Variants in MACROD2 observed in about 807,000 individuals in gnomAD.
MACROD2 encodes mono-ADP ribosylhydrolase 2.
A neutral mutation model predicts 70.4 loss-of-function variants in MACROD2; 36 were observed. That is an observed-to-expected ratio of 0.51 (90% CI 0.39 to 0.68). MACROD2 has a LOEUF of 0.68. Ranked by LOEUF, MACROD2 falls within the 30% of genes least tolerant of loss-of-function variation. The probability of loss-of-function intolerance (pLI) is 0.00; values close to 1 mark genes in which losing one functional copy is unlikely to be tolerated. For synonymous variants in MACROD2, 172 were observed against 178.8 expected, an observed-to-expected ratio of 0.96 and a Z score of 0.30; for missense variants, 496 against 538.4, an observed-to-expected ratio of 0.92 and a Z score of 0.78.
At chr20:14,515,465 G>GCGCACGCACACA (rs1369248292) in intron 4 of MACROD2, among the ~76,000 whole-genome samples, 24 of 127,062 alleles carry the variant, frequency 1.9e-4, no homozygotes, top group African/African-American at 6.6e-4. Context: ...ACACACACAC[G>GCGCACGCACACA]CACACACACA....
chr20:14,498,633 G>A (rs745968197), intron 4 of MACROD2, among the ~76,000 whole-genome samples: 10 of 152,132 alleles, frequency 6.6e-5, no homozygotes, highest in Non-Finnish European at 1.3e-4. Flanking sequence ...AATGGGCATT[G>A]GATGTCTTCT....
intron 3 of MACROD2, among the ~76,000 whole-genome samples, chr20:14,261,459 A>G (rs1474315896): frequency 6.6e-6 from 1 of 152,120 alleles, no homozygotes; most frequent in Non-Finnish European, 1.5e-5. Context: ...CTTTTGTTTT[A>G]ACAGTTATAG....
intron 6 of MACROD2, among the ~76,000 whole-genome samples, chr20:15,231,218 T>G (rs903202736): frequency 6.6e-6 from 1 of 152,078 alleles, no homozygotes; most frequent in Non-Finnish European, 1.5e-5. Flanking sequence ...CTGGATATTT[T>G]ATTTCTCTCT....
rs755629120 is a variant in MACROD2, at chr20:14,858,585, A to G, written c.418+173626A>G. ...GAGATCAAATAAATTATCCTTTAAC[A>G]TCCAGACTATAAGATTTTGACTTCT... On this transcript the variant is annotated intron_variant, in intron 5 of 17. Coordinates refer to ENST00000684519, the MANE Select transcript of MACROD2 (RefSeq NM_001351661.2). 3.5e-4 allele frequency among the ~76,000 whole-genome samples: 53 copies of G among 152,244 alleles called. 1 individual carries two copies. The highest frequency in any genetic ancestry group is 5.7e-4 in the Non-Finnish European group (39 of 68,018).
At chr20:15,936,663 A>G (rs926384943) in intron 11 of MACROD2, among the ~76,000 whole-genome samples, 92 of 35,936 alleles carry the variant, frequency 2.6e-3, no homozygotes, top group African/African-American at 5.2e-3. Context: ...CATAATGTGT[A>G]TATGTGTGTA....
At chr20:14,892,971 G>A (rs66577403) in intron 5 of MACROD2, 26,535 of 152,016 alleles carry the variant, frequency 0.17, 2,498 homozygotes, top group Non-Finnish European at 0.2. Flanking sequence ...GAGCCACCAC[G>A]CCCAGCCCAT....
chr20:14,167,525 A>G (rs2055284707), intron 3 of MACROD2, among the ~76,000 whole-genome samples: 1 of 151,324 alleles, frequency 6.6e-6, no homozygotes, highest in Non-Finnish European at 1.5e-5. Context: ...CTGGAATTAC[A>G]GGCGCCCACC....
At chr20:15,083,304 A>G (rs1329482347) in intron 5 of MACROD2, among the ~76,000 whole-genome samples, 1 of 152,186 alleles carries the variant, frequency 6.6e-6, no homozygotes, top group African/African-American at 2.4e-5. Flanking sequence ...TGCAAGATGT[A>G]GGCCCAGCTT....
chr20:15,823,316 G>GTGTGTGTGTGTGTGTGTGTA (rs139668215), intron 8 of MACROD2, among the ~76,000 whole-genome samples: 1 of 148,030 alleles, frequency 6.8e-6, no homozygotes, highest in African/African-American at 2.5e-5. Flanking sequence ...GTGTGTGTGT[G>GTGTGTGTGTGTGTGTGTGTA]TGTGTCTATA....
chr20:14,975,943 G>A (rs753292582), intron 5 of MACROD2, among the ~76,000 whole-genome samples: 14 of 152,240 alleles, frequency 9.2e-5, no homozygotes, highest in Middle Eastern at 3.4e-3. Context: ...TACAGTTCCC[G>A]GCTTTCAACG....
chr20:15,229,801 T>C (rs1348218837), intron 5 of MACROD2, 139 bp from the exon 6 acceptor site: 10 of 790,876 alleles, frequency 1.3e-5, no homozygotes, highest in East Asian at 3.1e-5. Context: ...CAGAGAAATA[T>C]TTGCGTCGCC....
intron 4 of MACROD2, among the ~76,000 whole-genome samples, chr20:14,537,217 A>G (rs534161991): frequency 1.3e-5 from 2 of 152,330 alleles, no homozygotes; most frequent in Non-Finnish European, 2.9e-5. Flanking sequence ...GGATTCTTCC[A>G]AAAGCAAAAC....
chr20:14,429,632 A>G (rs957671220), intron 3 of MACROD2, among the ~76,000 whole-genome samples: 1 of 152,142 alleles, frequency 6.6e-6, no homozygotes, highest in Non-Finnish European at 1.5e-5. Flanking sequence ...GGTTCTTGGC[A>G]TGCAGATGTT....
intron 7 of MACROD2, among the ~76,000 whole-genome samples, chr20:15,454,527 C>T (rs958471333): frequency 3.3e-5 from 5 of 151,736 alleles, no homozygotes; most frequent in Non-Finnish European, 5.9e-5. Context: ...CTTGTTGAAT[C>T]GATATGCAGG....
At chr20:14,042,580 C>G (rs1384390510) in intron 2 of MACROD2, among the ~76,000 whole-genome samples, 1 of 152,132 alleles carries the variant, frequency 6.6e-6, no homozygotes, top group Non-Finnish European at 1.5e-5. Flanking sequence ...CTCACTGCAA[C>G]CTGCAACCTC....
chr20:14,273,056 C>T (rs1051701997), intron 3 of MACROD2, among the ~76,000 whole-genome samples: 9 of 151,914 alleles, frequency 5.9e-5, no homozygotes, highest in African/African-American at 2.2e-4. Flanking sequence ...GAGACTTTAA[C>T]ACCCCACTGT....
chr20:14,854,245 T>A (rs2073229739), intron 5 of MACROD2, among the ~76,000 whole-genome samples: 1 of 152,176 alleles, frequency 6.6e-6, no homozygotes, highest in African/African-American at 2.4e-5. Flanking sequence ...AAGAACAGCC[T>A]GTTCCATCGT....
At chr20:15,039,203 C>T (rs2075336380) in intron 5 of MACROD2, among the ~76,000 whole-genome samples, 1 of 151,898 alleles carries the variant, frequency 6.6e-6, no homozygotes. Flanking sequence ...TGTGATTGGA[C>T]AAAAAGGGTA....
intron 5 of MACROD2, among the ~76,000 whole-genome samples, chr20:15,008,617 G>T (rs2122925638): frequency 6.6e-6 from 1 of 152,228 alleles, no homozygotes; most frequent in Admixed American, 6.5e-5. Context: ...AATAATTTAA[G>T]TATGAAAGGC....
Sources: allele counts gnomAD v4.1 joint callset (sites outside exome capture counted in the v4.1 genomes callset), GRCh38; gene constraint gnomAD v4.1.1; transcripts MANE v1.5; gene names NCBI Gene and HGNC (gene_info 2026-07-23, HGNC 2026-07-21).